Variants in ERGIC1 observed in about 807,000 individuals in gnomAD.
ERGIC1 encodes endoplasmic reticulum-golgi intermediate compartment 1.
In ERGIC1, 19 loss-of-function variants were observed where a neutral mutation model predicts 38.3. The ratio of observed to expected loss-of-function variants is 0.50; its 90% CI spans 0.35 to 0.73. ERGIC1 has a LOEUF of 0.73. Among genes scored for constraint, ERGIC1 ranks in the 30% least tolerant of loss-of-function variants. The probability of loss-of-function intolerance (pLI) is 0.01; values close to 1 mark genes in which losing one functional copy is unlikely to be tolerated. For synonymous variants in ERGIC1, 124 were observed against 157.6 expected (o/e 0.79, Z 1.60); for missense variants, 294 against 389.2 (o/e 0.76, Z 2.06).
At position 172,889,899 on chromosome 5, in the gene ERGIC1, AAATTTTGGAGCACTTAG is replaced by A. The variant is rs530639149; in HGVS notation, c.82+1140_82+1156del. Among the ~76,000 whole-genome samples, 23 of 152,348 alleles carry A rather than the reference AAATTTTGGAGCACTTAG, an allele frequency of 1.5e-4. No homozygotes were observed. In the South Asian group the frequency reaches 4.8e-3, roughly 32 times the overall value. On this transcript the variant is annotated intron_variant, in intron 2 of 9. Coordinates refer to ENST00000393784, the MANE Select transcript of ERGIC1 (RefSeq NM_001031711.3). ...AACATGTTGGCACTGAAAACGTTTC[AAATTTTGGAGCACTTAG>A]GATTTTGGGTTTTCAGATTTGGGAT... is the stretch of plus-strand genomic sequence containing the variant.
At position 172,846,640 on chromosome 5, in the gene ERGIC1, T is replaced by C. The variant is rs1013475836; in HGVS notation, c.20+12207T>C. On this transcript the variant is annotated intron_variant, in intron 1 of 9. Transcript: ENST00000393784. The surrounding 1 kb of genome is among the most constrained non-coding windows in gnomAD (Gnocchi z 4.0). ...CCAATAAGAAGGGCTATAGGAACCA[T>C]GTCATAAGAGTAACCTTCAAAGGAA... Among the ~76,000 whole-genome samples, 1 of 152,160 alleles carries C rather than the reference T, an allele frequency of 6.6e-6. No individual in the cohort carries two copies. The highest frequency in any genetic ancestry group is 2.4e-5 in the African/African-American group (1 of 41,426).
At chr5:172,940,572 C>T (rs1763987698) in intron 9 of ERGIC1, among the ~76,000 whole-genome samples, 1 of 152,120 alleles carries the variant, frequency 6.6e-6, no homozygotes, top group Non-Finnish European at 1.5e-5. Flanking sequence ...GAGGAACAGC[C>T]AGAAGTCACA....
chr5:172,879,882 G>A (rs1221243890), intron 1 of ERGIC1, among the ~76,000 whole-genome samples: 3 of 152,082 alleles, frequency 2.0e-5, no homozygotes, highest in Non-Finnish European at 2.9e-5. Flanking sequence ...CAGTACCCCT[G>A]GCCTCTACCT....
At chr5:172,838,361 C>T (rs1761082887) in intron 1 of ERGIC1, among the ~76,000 whole-genome samples, 1 of 152,140 alleles carries the variant, frequency 6.6e-6, no homozygotes, top group Admixed American at 6.5e-5. Flanking sequence ...GAGTGTGTGA[C>T]CCTGTGTGCC....
chr5:172,867,845 C>T (rs1240783710), intron 1 of ERGIC1, among the ~76,000 whole-genome samples: 2 of 152,198 alleles, frequency 1.3e-5, no homozygotes, highest in Non-Finnish European at 1.5e-5. Context: ...CTACTGAATG[C>T]CAAGGGTTTT....
chr5:172,904,381 G>A lies in ERGIC1; in HGVS notation c.156-5286G>A, dbSNP rs1040377871. ...CCATAGATTAATTTTGCTGATTTTCGAACCGATTGAAAGCTTTTCCAGTTT... is the reference window on the plus strand; with the variant it reads ...CCATAGATTAATTTTGCTGATTTTCAAACCGATTGAAAGCTTTTCCAGTTT... On this transcript the variant is annotated intron_variant, in intron 3 of 9. Coordinates refer to ENST00000393784, the MANE Select transcript of ERGIC1 (RefSeq NM_001031711.3). Among the ~76,000 whole-genome samples, 5 of 152,054 alleles carry A rather than the reference G, an allele frequency of 3.3e-5. 1 individual carries two copies. The South Asian group carries it at 6.2e-4, about 19-fold the overall frequency.
intron 1 of ERGIC1, among the ~76,000 whole-genome samples, chr5:172,850,086 G>T (rs1335167173): frequency 6.6e-6 from 1 of 152,136 alleles, no homozygotes; most frequent in African/African-American, 2.4e-5. Context: ...AGCTGGAAGG[G>T]TCCCAGGATG....
chr5:172,914,183 C>T (rs1027753803), intron 4 of ERGIC1, among the ~76,000 whole-genome samples: 12 of 138,598 alleles, frequency 8.7e-5, no homozygotes, highest in Non-Finnish European at 6.0e-5. Context: ...TGCAGTGAGT[C>T]GAGAGCATGC....
Position 172,913,377 on chromosome 5 carries a change from C to T in ERGIC1, c.251-1337C>T, listed in dbSNP as rs1763258996. 2.0e-5 allele frequency among the ~76,000 whole-genome samples: 3 copies of T among 152,316 alleles called. No homozygotes were observed. The South Asian group carries it at 6.2e-4, about 32-fold the overall frequency. ...ATTGTGGATCTAGAGGACAGGCTGC[C>T]AACATTGGAACTGCTGAGTGAAAAG... On this transcript the variant is annotated intron_variant, in intron 4 of 9. Coordinates refer to ENST00000393784, the MANE Select transcript of ERGIC1 (RefSeq NM_001031711.3).
intron 3 of ERGIC1, among the ~76,000 whole-genome samples, chr5:172,908,888 G>A (rs965173838): frequency 2.0e-5 from 3 of 152,308 alleles, no homozygotes; most frequent in Non-Finnish European, 4.4e-5. Flanking sequence ...CTGGCTTCCC[G>A]GCTGGGGGAA....
chr5:172,886,802 T>C (rs1762433979), intron 1 of ERGIC1, among the ~76,000 whole-genome samples: 1 of 151,908 alleles, frequency 6.6e-6, no homozygotes, highest in Non-Finnish European at 1.5e-5. Flanking sequence ...ACAGTAGTGG[T>C]CATAGTTGAG....
At chr5:172,913,809 C>T (rs1266854448) in intron 4 of ERGIC1, among the ~76,000 whole-genome samples, 1 of 152,174 alleles carries the variant, frequency 6.6e-6, no homozygotes, top group Non-Finnish European at 1.5e-5. Flanking sequence ...TATCTTTTCC[C>T]TTTGTGCATT....
rs1464790721 is a variant in ERGIC1 at position 172,834,491 on chromosome 5, C to T, written c.20+58C>T. On this transcript the variant is annotated intron_variant, in intron 1 of 9. Coordinates refer to ENST00000393784, the MANE Select transcript of ERGIC1 (RefSeq NM_001031711.3). The surrounding 1 kb of genome is among the most constrained non-coding windows in gnomAD (Gnocchi z 4.1). ...CCCTCAGCGGGCAGAGGGAGCGCCC[C>T]GGCACGCCGCGGACCCCTCCCGCCC... 1.6e-6 allele frequency: 2 copies of T among 1,268,850 alleles called. No individual in the cohort carries two copies. Among genetic ancestry groups the T allele is most frequent in the African/African-American group, 1.6e-5 (1 of 64,406 alleles). The allele number at this position is 1,268,850 out of a possible 1,614,324, so 78.6% of individuals were successfully genotyped here.
intron 1 of ERGIC1, among the ~76,000 whole-genome samples, chr5:172,847,860 G>C (rs1052570980): frequency 2.0e-5 from 3 of 152,178 alleles, no homozygotes; most frequent in Admixed American, 1.3e-4. Context: ...ATCAGGTTTT[G>C]AACTTAACAC....
intron 9 of ERGIC1, among the ~76,000 whole-genome samples, chr5:172,945,186 G>T (rs1764094785): frequency 6.6e-6 from 1 of 152,210 alleles, no homozygotes; most frequent in Admixed American, 6.5e-5. Flanking sequence ...GCCAAAGGAT[G>T]GAACCCACCT....
chr5:172,929,280 G>A lies in ERGIC1; in HGVS notation c.541+2711G>A, dbSNP rs578094876. Among the ~76,000 whole-genome samples the A allele has an allele frequency of 2.0e-3, 302 of 152,196 alleles. 2 individuals are homozygous for A. The highest frequency in any genetic ancestry group is 3.7e-3 in the Non-Finnish European group (255 of 68,014). ...AGGGATGAAACAAGATTGGCCATAC[G>A]CTGGTAATTGCTGAAGTTGGGAAAT... On this transcript the variant is annotated intron_variant, in intron 7 of 9. Coordinates refer to ENST00000393784, the MANE Select transcript of ERGIC1 (RefSeq NM_001031711.3).
chr5:172,893,954 TTTAA>T (rs1762650630), intron 2 of ERGIC1, among the ~76,000 whole-genome samples: 1 of 124,082 alleles, frequency 8.1e-6, no homozygotes, highest in African/African-American at 3.1e-5. Flanking sequence ...TATATATATA[TTTAA>T]ATGTCCATGG....
chr5:172,849,522 A>G (rs2113533765), intron 1 of ERGIC1, among the ~76,000 whole-genome samples: 1 of 152,342 alleles, frequency 6.6e-6, no homozygotes, highest in Middle Eastern at 3.4e-3. Context: ...CTAAGACTTC[A>G]GAAAGCCCTT....
chr5:172,909,168 CTT>C (rs70984920), intron 3 of ERGIC1, among the ~76,000 whole-genome samples: 4 of 80,862 alleles, frequency 4.9e-5, no homozygotes, highest in African/African-American at 9.3e-5. Flanking sequence ...GCCCTCCCCT[CTT>C]TTTTTTTTTT....
Sources: gnomAD v4.1 joint callset for allele counts (sites outside exome capture counted in the v4.1 genomes callset) on GRCh38, gnomAD v4.1.1 for gene constraint, Gnocchi (gnomAD v3.1) non-coding constraint, MANE v1.5 for transcripts, NCBI Gene and HGNC (gene_info 2026-07-23, HGNC 2026-07-21) for gene names.